CUX2: variants seen among roughly 807,000 people sequenced by gnomAD.
CUX2 encodes homeobox protein cut-like 2.
A neutral mutation model predicts 144.8 loss-of-function variants in CUX2; 40 were observed. That is an observed-to-expected ratio of 0.28 (90% CI 0.21 to 0.36). CUX2 has a LOEUF of 0.36. CUX2 is among the 10% of genes least tolerant of loss of function. The pLI, the probability that CUX2 is intolerant of heterozygous loss-of-function variation, is 1.00. For missense variants in CUX2, 1,615 were observed against 1,994.0 expected (o/e 0.81, Z 3.62); for synonymous variants, 827 against 875.6 (o/e 0.94, Z 0.98).
At chr12:111,203,544 C>CAA (rs771280007) in intron 1 of CUX2, among the ~76,000 whole-genome samples, 5 of 84,688 alleles carry the variant, frequency 5.9e-5, no homozygotes, top group Non-Finnish European at 7.3e-5. Context: ...GACTCTCTCT[C>CAA]AAAAAAAAAA....
intron 1 of CUX2, among the ~76,000 whole-genome samples, chr12:111,046,352 C>G (rs1167739975): frequency 1.3e-5 from 2 of 152,234 alleles, no homozygotes; most frequent in Admixed American, 6.5e-5. Flanking sequence ...AGCCAGTGTT[C>G]ACAGCCCTTT....
chr12:111,334,580 G>A lies in CUX2; in HGVS notation c.3066G>A (p.Ser1022=), dbSNP rs1438506170. The A allele has an allele frequency of 9.3e-6, 15 of 1,613,868 alleles. No homozygotes were observed. Among genetic ancestry groups the A allele is most frequent in the East Asian group, 6.7e-5 (3 of 44,874 alleles). ...AGCCAGAGGGCCGCTCCAGCTCCTC[G>A]TTGAGCGGGAAGATGTACTCAGGCA... ...NQQPEGRSSS[S]LSGKMYSGSQ... Residue 1022 remains serine (S), a synonymous_variant, in exon 19 of 22, where the codon TCG becomes TCA. Transcript: ENST00000261726.
intron 1 of CUX2, among the ~76,000 whole-genome samples, chr12:111,101,185 G>C (rs1873212772): frequency 6.6e-6 from 1 of 152,192 alleles, no homozygotes; most frequent in Non-Finnish European, 1.5e-5. Flanking sequence ...ACCCCTGGGT[G>C]ACAATGGGTC....
intron 8 of CUX2, among the ~76,000 whole-genome samples, chr12:111,296,877 C>T (rs60702534): frequency 0.15 from 12,983 of 89,208 alleles, 2,094 homozygotes; most frequent in East Asian, 0.64. Context: ...GACACGCCTC[C>T]ACCCTCTGGC....
In CUX2 at chr12:111,310,956, C is replaced by T. The variant is rs1381821916; in HGVS notation, c.1900+274C>T. Among the ~76,000 whole-genome samples, 1 of 152,246 alleles carries T rather than the reference C, an allele frequency of 6.6e-6. No individual in the cohort carries two copies. Among genetic ancestry groups the T allele is most frequent in the Non-Finnish European group, 1.5e-5 (1 of 68,038 alleles). ...AAGGGTGGCGGGAAAAGGCTCCAGG[C>T]GCTGCCCTGGCAGGTATTCATCCAG... On this transcript the variant is annotated intron_variant, in intron 15 of 21. Transcript: ENST00000261726. This position sits in a 1 kb window ranked among gnomAD's most constrained non-coding sequence, Gnocchi z 7.9.
intron 1 of CUX2, among the ~76,000 whole-genome samples, chr12:111,195,621 G>A (rs1880190096): frequency 6.6e-6 from 1 of 152,204 alleles, no homozygotes; most frequent in Non-Finnish European, 1.5e-5. Flanking sequence ...CTTGAGCTGG[G>A]GAAGCGCCTT....
In CUX2 at chr12:111,298,560, A is replaced by G. The variant is rs2136346221; in HGVS notation, c.724A>G (p.Ile242Val). 6.3e-7 allele frequency: 1 copy of G among 1,580,340 alleles called. No individual in the cohort carries two copies. Among genetic ancestry groups the G allele is most frequent in the South Asian group, 1.2e-5 (1 of 86,440 alleles). The change falls in exon 9 of 22, where the codon ATC becomes GTC. Residue 242 changes from isoleucine (I) to valine (V), a missense_variant. By Grantham distance (29) the Ile-to-Val change is conservative (BLOSUM62 3). This residue lies in a region of CUX2 where 295 missense variants were observed against 400.2 expected (regional missense o/e 0.74). Transcript: ENST00000261726. ...TCTCAGGGCAGATGAAGTCGGCCTG[A>G]TCATGACCAACCTGGAGAAAGCTAA... ...AASKADEVGL[I>V]MTNLEKANQR...
intron 1 of CUX2, among the ~76,000 whole-genome samples, chr12:111,189,134 T>G (rs1366294739): frequency 1.3e-5 from 2 of 151,998 alleles, no homozygotes; most frequent in Non-Finnish European, 2.9e-5. Flanking sequence ...TAGCCAAGTG[T>G]GGTGGTGTGC....
chr12:111,052,050 G>A (rs1174560202), intron 1 of CUX2, among the ~76,000 whole-genome samples: 1 of 151,950 alleles, frequency 6.6e-6, no homozygotes, highest in Non-Finnish European at 1.5e-5. Context: ...TTGATCCTGA[G>A]CCACATTCCC....
intron 4 of CUX2, among the ~76,000 whole-genome samples, chr12:111,278,715 A>G (rs1480638347): frequency 6.6e-6 from 1 of 152,308 alleles, no homozygotes; most frequent in East Asian, 1.9e-4. Context: ...TCTCTGAGAA[A>G]CGTTTTCCAA....
intron 1 of CUX2, among the ~76,000 whole-genome samples, chr12:111,111,250 C>T (rs1037037045): frequency 6.6e-6 from 1 of 151,854 alleles, no homozygotes. Flanking sequence ...TGCAGTGAGC[C>T]GAGATTGCAT....
chr12:111,350,023 AAC>A lies in CUX2; in HGVS notation c.*1702_*1703del, dbSNP rs897504936. The A allele has an allele frequency of 6.6e-6, 1 of 152,598 alleles. No homozygotes were observed. The highest frequency in any genetic ancestry group is 1.5e-5 in the Non-Finnish European group (1 of 68,062). The allele number at this position is 152,598 out of a possible 1,614,324, so 9.5% of individuals were successfully genotyped here. On this transcript the variant is annotated 3_prime_UTR_variant, in exon 22 of 22. Transcript: ENST00000261726. ...AGTCTCCACACCAAACAGTCAACAA[AAC>A]ACAAACCCTGAAGGAAAACCTTTTC...
chr12:111,151,788 G>A (rs967753474), intron 1 of CUX2, among the ~76,000 whole-genome samples: 3 of 152,028 alleles, frequency 2.0e-5, no homozygotes, highest in Middle Eastern at 3.4e-3. Flanking sequence ...GGCTCGCTCC[G>A]GCCATCACAG....
At chr12:111,047,064 GA>G (rs909944633) in intron 1 of CUX2, among the ~76,000 whole-genome samples, 3 of 152,234 alleles carry the variant, frequency 2.0e-5, no homozygotes, top group African/African-American at 7.2e-5. Flanking sequence ...GAAGGTGAGA[GA>G]AAGCTCCCGG....
At chr12:111,209,683 AC>A (rs745426829) in intron 1 of CUX2, among the ~76,000 whole-genome samples, 18 of 152,028 alleles carry the variant, frequency 1.2e-4, no homozygotes, top group Non-Finnish European at 2.5e-4. Flanking sequence ...CCTCTCAGAG[AC>A]AGGGGCTCTC....
chr12:111,224,452 C>A (rs1289542019), intron 3 of CUX2, among the ~76,000 whole-genome samples: 2 of 151,360 alleles, frequency 1.3e-5, no homozygotes, highest in South Asian at 4.2e-4. Flanking sequence ...CTGTGCCCCC[C>A]TTCTGCTCCG....
chr12:111,094,328 C>T (rs553725976), intron 1 of CUX2, among the ~76,000 whole-genome samples: 14 of 152,244 alleles, frequency 9.2e-5, no homozygotes, highest in Non-Finnish European at 7.4e-5. Flanking sequence ...CGGAAGGGCC[C>T]GAGAAGTGGA....
chr12:111,216,274 AC>A (rs1881525771), intron 2 of CUX2, among the ~76,000 whole-genome samples: 1 of 152,178 alleles, frequency 6.6e-6, no homozygotes, highest in Non-Finnish European at 1.5e-5. Flanking sequence ...TTGCTGTGTG[AC>A]CTTGAGCAGG....
Position 111,304,097 on chromosome 12 carries a change from G to T in CUX2, c.754-113G>T. Reference sequence around the variant, plus strand: ...ACAGGGTCCGGGACTAGGAAGGCAGGACCTGAGGCCCTCGGAGGTCTGCCT... The same window carrying T: ...ACAGGGTCCGGGACTAGGAAGGCAGTACCTGAGGCCCTCGGAGGTCTGCCT... On this transcript the variant is annotated intron_variant, in intron 9 of 21. Transcript: ENST00000261726. This position sits in a 1 kb window ranked among gnomAD's most constrained non-coding sequence, Gnocchi z 4.7. 1.3e-6 allele frequency: 1 copy of T among 761,232 alleles called. No homozygotes were observed. 47.2% of individuals were successfully genotyped at this position (761,232 alleles called of 1,614,324 possible). A position where few individuals can be genotyped will look rare whatever the true frequency, so the allele number is the denominator to read the frequency against.
Sources: gnomAD v4.1 joint callset for allele counts (sites outside exome capture counted in the v4.1 genomes callset) on GRCh38, gnomAD v4.1.1 for gene constraint, gnomAD v4.1.1 regional missense constraint, Gnocchi (gnomAD v3.1) non-coding constraint, MANE v1.5 for transcripts, NCBI Gene and HGNC (gene_info 2026-07-23, HGNC 2026-07-21) for gene names.